HS1BP3: variants seen among roughly 807,000 people sequenced by gnomAD.
The protein encoded by HS1BP3 is HCLS1-binding protein 3.
A neutral mutation model predicts 33.5 loss-of-function variants in HS1BP3; 32 were observed. That is an observed-to-expected ratio of 0.95 (90% CI 0.72 to 1.28). HS1BP3 has a LOEUF of 1.28. Among genes scored for constraint, HS1BP3 ranks in the 50% most tolerant of loss-of-function variants. The pLI is 0.00. For missense variants in HS1BP3, 486 were observed against 502.3 expected, an observed-to-expected ratio of 0.97 and a Z score of 0.31; for synonymous variants, 187 against 209.2, an observed-to-expected ratio of 0.89 and a Z score of 0.92.
chr2:20,638,751 G>C, intron 3 of HS1BP3, 99 bp from the exon 4 acceptor site: 1 of 934,532 alleles, frequency 1.1e-6, no homozygotes, highest in South Asian at 1.7e-5. Context: ...ATCTGAGGCC[G>C]AGGGCTTCCT....
intron 5 of HS1BP3, among the ~76,000 whole-genome samples, chr2:20,575,079 C>T (rs55751815): frequency 0.044 from 6,750 of 152,276 alleles, 483 homozygotes; most frequent in African/African-American, 0.15. Context: ...CGTCTGGATG[C>T]CTAAGGACAA....
In HS1BP3 at chr2:20,638,437, G is replaced by T; in HGVS notation, c.622C>A (p.Arg208Ser). The T allele has an allele frequency of 1.4e-5, 22 of 1,613,740 alleles. No individual in the cohort carries two copies. The highest frequency in any genetic ancestry group is 1.8e-5 in the Non-Finnish European group (21 of 1,179,702). ...CCCTCTCAACAACAGGAGACCAACC[G>T]CATAATGCCCAGAGGGTCCAGCGCC... Reference protein sequence around the residue: ...EEALDPLGIMRSKKPKKHPKV... With the variant: ...EEALDPLGIMSSKKPKKHPKV... The change falls in exon 4 of 7, where the codon CGC (arginine) becomes AGC (serine). Residue 208 changes from arginine to serine, a missense_variant and splice_region_variant. Transcript: ENST00000304031.
rs975616583 is a variant in HS1BP3 at position 20,638,467 on chromosome 2, C to T, written c.592G>A (p.Glu198Lys). 3 of 1,614,138 alleles carry T rather than the reference C, an allele frequency of 1.9e-6. No individual in the cohort carries two copies. Among genetic ancestry groups the T allele is most frequent in the African/African-American group, 1.3e-5 (1 of 74,952 alleles). The change falls in exon 4 of 7, where the codon GAG becomes AAG. Residue 198 changes from glutamate to lysine, a missense_variant. Transcript: ENST00000304031. ...GEDAEESLEE[E>K]EALDPLGIMR... ...ATGCCCAGAGGGTCCAGCGCCTCCT[C>T]CTCCTCCAAGGATTCCTCAGCATCC...
intron 5 of HS1BP3, among the ~76,000 whole-genome samples, chr2:20,576,538 C>G (rs1224927878): frequency 2.6e-5 from 4 of 152,158 alleles, no homozygotes; most frequent in African/African-American, 9.7e-5. Context: ...CAGAGGAGGG[C>G]TGGAATCTGC....
intron 2 of HS1BP3, among the ~76,000 whole-genome samples, chr2:20,607,504 T>C (rs1256180867): frequency 6.6e-6 from 1 of 152,214 alleles, no homozygotes; most frequent in Non-Finnish European, 1.5e-5. Context: ...TACAATTTCT[T>C]GGGAGGCTAT....
chr2:20,585,788 G>A (rs762873439), intron 5 of HS1BP3, among the ~76,000 whole-genome samples: 2 of 152,192 alleles, frequency 1.3e-5, no homozygotes, highest in African/African-American at 4.8e-5. Flanking sequence ...AATACCGTTC[G>A]CTTGCAACAG....
intron 1 of HS1BP3, among the ~76,000 whole-genome samples, chr2:20,650,519 G>A (rs1695659769): frequency 6.6e-6 from 1 of 152,144 alleles, no homozygotes; most frequent in Non-Finnish European, 1.5e-5. Flanking sequence ...CATCCTCCCA[G>A]AAACCGGGTT....
At chr2:20,620,858 A>T (rs1447077221) in intron 6 of HS1BP3, among the ~76,000 whole-genome samples, 2 of 152,226 alleles carry the variant, frequency 1.3e-5, no homozygotes, top group African/African-American at 4.8e-5. Context: ...GCCTCCACCT[A>T]CAATGAGGGA....
Position 20,619,051 on chromosome 2 carries a change from A to T in HS1BP3, c.1115T>A (p.Met372Lys). ...PQEQIQAMDEMDILQYIQDHD... is the reference protein window; with the variant it reads ...PQEQIQAMDEKDILQYIQDHD... The stretch of plus-strand genomic sequence containing the variant: ...GTCCTGGATGTACTGCAAGATGTCC[A>T]TCTCGTCCATGGCTTGGATCTGCTC... The change falls in exon 7 of 7, where the codon ATG becomes AAG. Residue 372 changes from methionine to lysine, a missense_variant. Coordinates refer to ENST00000304031, the MANE Select transcript of HS1BP3 (RefSeq NM_022460.4). 4 of 1,614,098 alleles carry T rather than the reference A, an allele frequency of 2.5e-6. No individual in the cohort carries two copies. The highest frequency in any genetic ancestry group is 3.4e-6 in the Non-Finnish European group (4 of 1,180,000).
At chr2:20,629,269 C>A (rs947085754) in intron 4 of HS1BP3, among the ~76,000 whole-genome samples, 1 of 152,144 alleles carries the variant, frequency 6.6e-6, no homozygotes, top group African/African-American at 2.4e-5. Flanking sequence ...CACACATGGG[C>A]TATCACTCGG....
At chr2:20,598,886 C>T (rs961998109) in intron 2 of HS1BP3, among the ~76,000 whole-genome samples, 3 of 152,164 alleles carry the variant, frequency 2.0e-5, no homozygotes, top group Non-Finnish European at 4.4e-5. Context: ...TAATTGGGCT[C>T]TTTATATTCT....
At chr2:20,590,579 C>T (rs1269401994), downstream of HS1BP3, among the ~76,000 whole-genome samples, 3 of 152,252 alleles carry the variant, frequency 2.0e-5, no homozygotes, top group Admixed American at 6.5e-5. Flanking sequence ...CCACCTCTTC[C>T]TCATGGCATG....
intron 5 of HS1BP3, among the ~76,000 whole-genome samples, chr2:20,565,856 G>A (rs1693113483): frequency 6.6e-6 from 1 of 152,218 alleles, no homozygotes; most frequent in African/African-American, 2.4e-5. Context: ...GCAGTGAGAT[G>A]GATGTAGAGT....
At chr2:20,563,114 G>C (rs966504956) in intron 5 of HS1BP3, among the ~76,000 whole-genome samples, 4 of 152,220 alleles carry the variant, frequency 2.6e-5, no homozygotes, top group Non-Finnish European at 5.9e-5. Flanking sequence ...GTGAAGGCGT[G>C]TGCATCCTCT....
intron 5 of HS1BP3, among the ~76,000 whole-genome samples, chr2:20,561,823 A>G (rs1406407133): frequency 6.6e-6 from 1 of 152,124 alleles, no homozygotes; most frequent in South Asian, 2.1e-4. Flanking sequence ...CTGGTGACTC[A>G]TGACTTGGGG....
chr2:20,632,904 T>C (rs1364913870), intron 4 of HS1BP3, among the ~76,000 whole-genome samples: 1 of 152,192 alleles, frequency 6.6e-6, no homozygotes, highest in Non-Finnish European at 1.5e-5. Flanking sequence ...ATAACAACTA[T>C]AGGAAGTGGA....
chr2:20,601,538 A>G (rs1694068620), intron 2 of HS1BP3, among the ~76,000 whole-genome samples: 1 of 152,108 alleles, frequency 6.6e-6, no homozygotes, highest in Non-Finnish European at 1.5e-5. Flanking sequence ...TAATTGAATC[A>G]TGGGGGCGGG....
chr2:20,587,198 G>C (rs142583975), intron 5 of HS1BP3, among the ~76,000 whole-genome samples: 1 of 152,328 alleles, frequency 6.6e-6, no homozygotes, highest in East Asian at 1.9e-4. Context: ...ATTATGATAT[G>C]TCTGTACGAT....
At chr2:20,595,570 C>G (rs577702184) in intron 3 of HS1BP3, among the ~76,000 whole-genome samples, 1 of 152,320 alleles carries the variant, frequency 6.6e-6, no homozygotes, top group South Asian at 2.1e-4. Context: ...GGCCACAGCC[C>G]GTGCCTGCCT....
Sources: allele counts gnomAD v4.1 joint callset (sites outside exome capture counted in the v4.1 genomes callset), GRCh38; gene constraint gnomAD v4.1.1; transcripts MANE v1.5; gene names NCBI Gene and HGNC (gene_info 2026-07-23, HGNC 2026-07-21).